The following BMP8A variants were observed in gnomAD, a reference collection of about 807,000 sequenced individuals.
BMP8A encodes bone morphogenetic protein 8a, also known as BMP-8A.
Under a neutral mutation model 36.8 loss-of-function variants are expected in BMP8A, and 14 were observed. The observed-to-expected ratio is 0.38, with a 90% CI of 0.25 to 0.60. BMP8A has a LOEUF of 0.60. BMP8A is among the 20% of genes least tolerant of loss of function. The probability of loss-of-function intolerance (pLI) is 0.63; values close to 1 mark genes in which losing one functional copy is unlikely to be tolerated. For synonymous variants in BMP8A, 120 were observed against 237.7 expected, an observed-to-expected ratio of 0.50 and a Z score of 4.55; for missense variants, 267 against 551.1, an observed-to-expected ratio of 0.48 and a Z score of 5.16.
At chr1:39,515,838 G>T (rs1645392106) in intron 3 of BMP8A, 2 of 1,587,242 alleles carry the variant, frequency 1.3e-6, no homozygotes, top group Non-Finnish European at 1.7e-6. Context: ...GCCAGGACGC[G>T]CATCATCAGA....
Position 39,528,314 on chromosome 1 carries a change from G to A in BMP8A, c.*2516G>A, listed in dbSNP as rs537647185. Among the ~76,000 whole-genome samples, 14 of 152,332 alleles carry A rather than the reference G, an allele frequency of 9.2e-5. No individual in the cohort carries two copies. The highest frequency in any genetic ancestry group is 3.1e-4 in the African/African-American group (13 of 41,568). On this transcript the variant is annotated 3_prime_UTR_variant, in exon 7 of 7. Transcript: ENST00000331593. ...AGGGAGGAGGTCGTAAGGACACACA[G>A]CTGATGAAGGGTCAGTGCTCAGCTA...
chr1:39,491,823 C>A lies in BMP8A; in HGVS notation c.-169C>A, dbSNP rs1645160111. 2.3e-6 allele frequency: 1 copy of A among 439,534 alleles called. No individual in the cohort carries two copies. Among genetic ancestry groups the A allele is most frequent in the Non-Finnish European group, 3.1e-6 (1 of 323,860 alleles). The allele number at this position is 439,534 out of a possible 1,614,324, so 27.2% of individuals were successfully genotyped here. On this transcript the variant is annotated 5_prime_UTR_variant, in exon 1 of 7. Transcript: ENST00000331593. ...GCGTCCGCTTGTCCCGGAGCCGGGG[C>A]AGGTGCGCGCGGGGGGCGCTCCAGG...
At position 39,525,816 on chromosome 1, in the gene BMP8A, T is replaced by G. The variant is rs199639169; in HGVS notation, c.*18T>G. On this transcript the variant is annotated 3_prime_UTR_variant, in exon 7 of 7. Transcript: ENST00000331593. ...GCCACTGAGTCAGCCCGCCCAGCCC[T>G]ACTGCAGCCACCCTTCTCATCTGGA... is the stretch of plus-strand genomic sequence containing the variant. 93 of 1,613,314 alleles carry G rather than the reference T, an allele frequency of 5.8e-5. No homozygotes were observed. Among genetic ancestry groups the G allele is most frequent in the Non-Finnish European group, 2.2e-5 (26 of 1,180,012 alleles).
chr1:39,501,229 T>G (rs1336471204), intron 1 of BMP8A, among the ~76,000 whole-genome samples: 1 of 152,206 alleles, frequency 6.6e-6, no homozygotes, highest in Non-Finnish European at 1.5e-5. Flanking sequence ...TTCATCCCCA[T>G]GACCCAGACA....
At chr1:39,498,982 G>T (rs2797376) in intron 1 of BMP8A, among the ~76,000 whole-genome samples, 2 of 152,236 alleles carry the variant, frequency 1.3e-5, no homozygotes, top group Non-Finnish European at 2.9e-5. Context: ...GGGACAAGAG[G>T]CCCTTGGGAA....
At chr1:39,525,590 T>C in intron 6 of BMP8A, 59 bp from the exon 7 acceptor site, 1 of 1,591,554 alleles carries the variant, frequency 6.3e-7, no homozygotes, top group East Asian at 2.3e-5. Context: ...CGGGGCTAGG[T>C]GGGTCCTCAG....
At position 39,522,492 on chromosome 1, in the gene BMP8A, G is replaced by A. The variant is rs368550248; in HGVS notation, c.948+10G>A. 3 of 1,613,704 alleles carry A rather than the reference G, an allele frequency of 1.9e-6. No homozygotes were observed. Among genetic ancestry groups the A allele is most frequent in the Non-Finnish European group, 2.5e-6 (3 of 1,179,772 alleles). On this transcript the variant is annotated intron_variant, in intron 5 of 6. Transcript: ENST00000331593. ...GGACCTTGGCTGGCTGGTAATTGCT[G>A]ACTCTCCTTGTTTCTGAAATGACAA...
intron 6 of BMP8A, chr1:39,523,857 G>A: frequency 2.1e-6 from 1 of 471,362 alleles, no homozygotes; most frequent in Non-Finnish European, 3.2e-6. Context: ...CCTCTTAGGA[G>A]GTTCAACGGT....
In BMP8A at chr1:39,526,857, C is replaced by T. The variant is rs1011583707; in HGVS notation, c.*1059C>T. 3.9e-5 allele frequency among the ~76,000 whole-genome samples: 6 copies of T among 152,330 alleles called. No individual in the cohort carries two copies. The highest frequency in any genetic ancestry group is 2.1e-4 in the South Asian group (1 of 4,830). On this transcript the variant is annotated 3_prime_UTR_variant, in exon 7 of 7. Coordinates refer to ENST00000331593, the MANE Select transcript of BMP8A (RefSeq NM_181809.4). ...TAGGCTGGCACAGAGCAAATGCCCC[C>T]GCAGCCTGCTCCCCTTGCCCATGGC...
chr1:39,503,342 G>T (rs1469569988), intron 1 of BMP8A, among the ~76,000 whole-genome samples: 1 of 151,864 alleles, frequency 6.6e-6, no homozygotes, highest in African/African-American at 2.4e-5. Flanking sequence ...GACCAAGTGA[G>T]ACCCTGTCTC....
Position 39,528,175 on chromosome 1 carries a change from C to T in BMP8A, c.*2377C>T, listed in dbSNP as rs1228643051. On this transcript the variant is annotated 3_prime_UTR_variant, in exon 7 of 7. Transcript: ENST00000331593. ...AGCAGGCCTGAGGATCATGATGAGA[C>T]TCCCTTTTTATGCAGCAAAGCACAA... Among the ~76,000 whole-genome samples, 1 of 152,224 alleles carries T rather than the reference C, an allele frequency of 6.6e-6. No individual in the cohort carries two copies. The highest frequency in any genetic ancestry group is 1.5e-5 in the Non-Finnish European group (1 of 68,040).
intron 6 of BMP8A, 100 bp downstream of exon 6, chr1:39,523,217 C>T: frequency 7.4e-7 from 1 of 1,359,588 alleles, no homozygotes; most frequent in Non-Finnish European, 1.0e-6. Context: ...CCACCTGCTC[C>T]ATGTCTCGGG....
At position 39,526,495 on chromosome 1, in the gene BMP8A, C is replaced by T. The variant is rs907168590; in HGVS notation, c.*697C>T. On this transcript the variant is annotated 3_prime_UTR_variant, in exon 7 of 7. Coordinates refer to ENST00000331593, the MANE Select transcript of BMP8A (RefSeq NM_181809.4). ...CTGGGATTACAGGGGCCCACCACCA[C>T]GCCCAGCTCATTCTTGTATTTTTAG... 3.9e-5 allele frequency among the ~76,000 whole-genome samples: 6 copies of T among 152,250 alleles called. No homozygotes were observed. Among genetic ancestry groups the T allele is most frequent in the Middle Eastern group, 3.4e-3 (1 of 294 alleles).
At chr1:39,498,138 C>G (rs1263858961) in intron 1 of BMP8A, among the ~76,000 whole-genome samples, 1 of 152,258 alleles carries the variant, frequency 6.6e-6, no homozygotes. Flanking sequence ...CTCTGCCCCT[C>G]CTTGGCCTCA....
chr1:39,509,467 T>A (rs1332044207), intron 1 of BMP8A, among the ~76,000 whole-genome samples: 1 of 152,182 alleles, frequency 6.6e-6, no homozygotes, highest in Non-Finnish European at 1.5e-5. Context: ...GTGGCCTGTG[T>A]CACGGCATCT....
At chr1:39,506,770 T>C (rs1645305251) in intron 1 of BMP8A, among the ~76,000 whole-genome samples, 2 of 152,166 alleles carry the variant, frequency 1.3e-5, no homozygotes, top group Non-Finnish European at 2.9e-5. Context: ...AACTTTCCTG[T>C]TTGTTATCTG....
At chr1:39,514,630 G>A (rs1247790775) in intron 3 of BMP8A, among the ~76,000 whole-genome samples, 1 of 151,994 alleles carries the variant, frequency 6.6e-6, no homozygotes, top group African/African-American at 2.4e-5. Context: ...AGCTTGGGCG[G>A]GGTGGTTGGA....
chr1:39,498,211 C>A (rs1645222290), intron 1 of BMP8A, among the ~76,000 whole-genome samples: 2 of 152,248 alleles, frequency 1.3e-5, no homozygotes. Flanking sequence ...ATGCCCACCC[C>A]CTGCCTGCTG....
chr1:39,504,600 A>G (rs1291420731), intron 1 of BMP8A, among the ~76,000 whole-genome samples: 1 of 151,938 alleles, frequency 6.6e-6, no homozygotes, highest in African/African-American at 2.4e-5. Context: ...TGGGCGTCAG[A>G]TGAAGGGGGC....
Sources: gnomAD v4.1 joint callset for allele counts (sites outside exome capture counted in the v4.1 genomes callset) on GRCh38, gnomAD v4.1.1 for gene constraint, MANE v1.5 for transcripts, NCBI Gene and HGNC (gene_info 2026-07-23, HGNC 2026-07-21) for gene names.